Variants in SETBP1 observed in about 807,000 individuals in gnomAD.
The protein encoded by SETBP1 is SET-binding protein.
SETBP1 carries 9 observed loss-of-function variants against 101.0 expected under a neutral mutation model. That is an observed-to-expected ratio of 0.09 (90% confidence interval 0.05 to 0.16). The LOEUF (loss-of-function observed/expected upper bound fraction) is 0.16. Ranked by LOEUF, SETBP1 falls within the 10% of genes least tolerant of loss-of-function variation. SETBP1 has a pLI of 1.00. For missense variants in SETBP1, 1,858 were observed against 2,033.8 expected (o/e 0.91, Z 1.66); for synonymous variants, 818 against 788.5 (o/e 1.04, Z -0.63).
intron 3 of SETBP1, among the ~76,000 whole-genome samples, chr18:44,917,270 GGTGA>G (rs1385980277): frequency 7.2e-5 from 11 of 152,160 alleles, no homozygotes; most frequent in African/African-American, 2.7e-4. Flanking sequence ...ACGAAAAGGT[GGTGA>G]GTCTTACTTG....
intron 4 of SETBP1, among the ~76,000 whole-genome samples, chr18:45,009,357 G>T (rs534865650): frequency 6.6e-6 from 1 of 150,822 alleles, no homozygotes; most frequent in East Asian, 1.9e-4. Context: ...AGCATGGAGC[G>T]GAGCTGCGTT....
intron 2 of SETBP1, among the ~76,000 whole-genome samples, chr18:44,854,811 C>T (rs538625259): frequency 1.4e-4 from 22 of 152,300 alleles, no homozygotes; most frequent in African/African-American, 5.3e-4. Flanking sequence ...CTCTCAGAGT[C>T]ATTCATGCAC....
chr18:44,748,557 C>T (rs985268481), intron 2 of SETBP1, among the ~76,000 whole-genome samples: 1 of 152,200 alleles, frequency 6.6e-6, no homozygotes, highest in African/African-American at 2.4e-5. Flanking sequence ...ATGCTTTATG[C>T]AGTGGGTCAG....
chr18:44,767,508 C>A (rs1303799187), intron 2 of SETBP1, among the ~76,000 whole-genome samples: 1 of 152,222 alleles, frequency 6.6e-6, no homozygotes, highest in Non-Finnish European at 1.5e-5. Flanking sequence ...GCAAATTCAA[C>A]TCACCAAATT....
intron 4 of SETBP1, among the ~76,000 whole-genome samples, chr18:44,973,644 G>A (rs2071918505): frequency 6.6e-6 from 1 of 152,192 alleles, no homozygotes. Flanking sequence ...GGGCCCGATG[G>A]CTAGACATAG....
intron 2 of SETBP1, among the ~76,000 whole-genome samples, chr18:44,788,506 A>G (rs2071294181): frequency 6.6e-6 from 1 of 152,246 alleles, no homozygotes; most frequent in African/African-American, 2.4e-5. Context: ...GGCTGAGGCC[A>G]TTAGCAGAGT....
chr18:44,795,311 A>G (rs1599138524), intron 2 of SETBP1, among the ~76,000 whole-genome samples: 1 of 152,208 alleles, frequency 6.6e-6, no homozygotes, highest in Admixed American at 6.5e-5. Context: ...AGATCCTCAT[A>G]GTGTCAGGAA....
intron 2 of SETBP1, among the ~76,000 whole-genome samples, chr18:44,724,706 G>A (rs1040783620): frequency 6.6e-6 from 1 of 152,160 alleles, no homozygotes; most frequent in Non-Finnish European, 1.5e-5. Context: ...GAAGAGGACA[G>A]GGTCAAGGGT....
chr18:44,985,419 G>T (rs2072210073), intron 4 of SETBP1, among the ~76,000 whole-genome samples: 1 of 152,120 alleles, frequency 6.6e-6, no homozygotes, highest in Non-Finnish European at 1.5e-5. Flanking sequence ...TCTGTCTTAA[G>T]TGGCCCAGAC....
At chr18:44,809,104 A>G (rs1205040101) in intron 2 of SETBP1, among the ~76,000 whole-genome samples, 1 of 152,224 alleles carries the variant, frequency 6.6e-6, no homozygotes, top group Non-Finnish European at 1.5e-5. Flanking sequence ...CAGAGAAAAC[A>G]GAGCAGAAGT....
chr18:44,840,853 C>T (rs1034437271), intron 2 of SETBP1, among the ~76,000 whole-genome samples: 6 of 152,224 alleles, frequency 3.9e-5, no homozygotes, highest in African/African-American at 1.4e-4. Flanking sequence ...CCCAGGGACT[C>T]ACTTTCAATT....
At chr18:44,827,605 G>A (rs1165074347) in intron 2 of SETBP1, among the ~76,000 whole-genome samples, 4 of 152,066 alleles carry the variant, frequency 2.6e-5, no homozygotes. Context: ...AGGTATATTG[G>A]GCCTTAGCCT....
chr18:44,999,448 G>A (rs915400125), intron 4 of SETBP1, among the ~76,000 whole-genome samples: 13 of 152,168 alleles, frequency 8.5e-5, no homozygotes, highest in Non-Finnish European at 1.6e-4. Context: ...TGCAGTGTGC[G>A]TGATGGGAAG....
intron 4 of SETBP1, among the ~76,000 whole-genome samples, chr18:45,035,451 T>C (rs1256641670): frequency 1.3e-5 from 2 of 152,226 alleles, no homozygotes; most frequent in African/African-American, 2.4e-5. Flanking sequence ...GTATATTCTG[T>C]AACATGAACA....
chr18:44,866,851 T>A (rs1403512270), intron 2 of SETBP1, among the ~76,000 whole-genome samples: 1 of 152,204 alleles, frequency 6.6e-6, no homozygotes, highest in Non-Finnish European at 1.5e-5. Flanking sequence ...ATACAAGCAT[T>A]TCTGCAAGGA....
At chr18:44,680,798 G>A (rs530169525), upstream of SETBP1, 224 of 152,436 alleles carry the variant, frequency 1.5e-3, no homozygotes, top group Non-Finnish European at 2.3e-3. Flanking sequence ...GGCTGGCGGG[G>A]CTGGCGGGTT....
At chr18:44,683,618 T>A (rs1268727724) in intron 1 of SETBP1, among the ~76,000 whole-genome samples, 1 of 152,202 alleles carries the variant, frequency 6.6e-6, no homozygotes, top group Non-Finnish European at 1.5e-5. Flanking sequence ...CTCCAAAGCT[T>A]CTATATAGTA....
chr18:44,755,982 G>A (rs1237541221), intron 2 of SETBP1, among the ~76,000 whole-genome samples: 2 of 152,098 alleles, frequency 1.3e-5, no homozygotes, highest in Admixed American at 6.5e-5. Context: ...TTGGGAGGCC[G>A]AGACAGGTGG....
At chr18:44,759,352 A>C (rs1223879972) in intron 2 of SETBP1, among the ~76,000 whole-genome samples, 1 of 152,202 alleles carries the variant, frequency 6.6e-6, no homozygotes, top group East Asian at 1.9e-4. Flanking sequence ...TTTCCTGCGA[A>C]GGTGATACGT....
Sources: gnomAD v4.1 joint callset for allele counts (sites outside exome capture counted in the v4.1 genomes callset) on GRCh38, gnomAD v4.1.1 for gene constraint, MANE v1.5 for transcripts, NCBI Gene and HGNC (gene_info 2026-07-23, HGNC 2026-07-21) for gene names.